The following TSNARE1 variants were observed in gnomAD, a reference collection of about 807,000 sequenced individuals.
TSNARE1 encodes t-SNARE domain containing 1.
A neutral mutation model predicts 62.0 loss-of-function variants in TSNARE1; 49 were observed. The ratio of observed to expected loss-of-function variants is 0.79; its 90% CI spans 0.63 to 1.00. The LOEUF is 1.00. Ranked by LOEUF, TSNARE1 falls within the 50% of genes least tolerant of loss-of-function variation. The pLI is 0.00. For missense variants in TSNARE1, 755 were observed against 700.1 expected, an observed-to-expected ratio of 1.08 and a Z score of -0.88; for synonymous variants, 328 against 294.4, an observed-to-expected ratio of 1.11 and a Z score of -1.17.
intron 6 of TSNARE1, among the ~76,000 whole-genome samples, chr8:142,322,580 C>CA (rs1408134908): frequency 6.6e-6 from 1 of 152,198 alleles, no homozygotes; most frequent in Non-Finnish European, 1.5e-5. Flanking sequence ...TCACAGGATA[C>CA]AAGGAAGTAC....
chr8:142,269,802 T>C (rs946869663), intron 12 of TSNARE1: 10 of 985,138 alleles, frequency 1.0e-5, no homozygotes, highest in South Asian at 4.7e-5. Context: ...TGCGCACCCA[T>C]AGAAGGGGTA....
chr8:142,326,920 C>G (rs9969452), intron 6 of TSNARE1, among the ~76,000 whole-genome samples: 32,721 of 152,126 alleles, frequency 0.22, 3,928 homozygotes, highest in East Asian at 0.31. Flanking sequence ...CCACAAGACC[C>G]CACTTCGCAC....
chr8:142,368,698 C>A (rs1410711332), intron 1 of TSNARE1, among the ~76,000 whole-genome samples: 1 of 152,188 alleles, frequency 6.6e-6, no homozygotes, highest in African/African-American at 2.4e-5. Flanking sequence ...AAGCCAGGAC[C>A]CCTGGGGTGC....
chr8:142,276,662 C>T, intron 11 of TSNARE1: 1 of 985,450 alleles, frequency 1.0e-6, no homozygotes, highest in Non-Finnish European at 1.2e-6. Context: ...AGCCCTGGAC[C>T]CCACCCTTGG....
chr8:142,403,053 C>T (rs1219713696), intron 1 of TSNARE1, 51 bp downstream of exon 1: 3 of 148,552 alleles, frequency 2.0e-5, no homozygotes, highest in East Asian at 1.9e-4. Context: ...TCGCCCTCGC[C>T]GCCCCACGCC....
At chr8:142,377,414 A>C (rs2131147156) in intron 1 of TSNARE1, among the ~76,000 whole-genome samples, 1 of 152,366 alleles carries the variant, frequency 6.6e-6, no homozygotes, top group East Asian at 1.9e-4. Flanking sequence ...GCAAAAGATA[A>C]AGTGACAACA....
chr8:142,270,212 C>T (rs1055529857), intron 12 of TSNARE1: 1 of 985,152 alleles, frequency 1.0e-6, no homozygotes, highest in African/African-American at 1.7e-5. Context: ...GATGTGGCAG[C>T]CCCGCCAAGG....
chr8:142,270,469 G>C (rs545390076), intron 12 of TSNARE1: 1 of 949,354 alleles, frequency 1.1e-6, no homozygotes, highest in Non-Finnish European at 1.2e-6. Context: ...ACAGTACCAA[G>C]TAATATATAG....
At chr8:142,224,012 C>T (rs1816662371) in intron 13 of TSNARE1, among the ~76,000 whole-genome samples, 1 of 152,244 alleles carries the variant, frequency 6.6e-6, no homozygotes, top group Non-Finnish European at 1.5e-5. Flanking sequence ...CCATTTCATC[C>T]TCTGAGAGCT....
intron 1 of TSNARE1, among the ~76,000 whole-genome samples, chr8:142,363,645 G>A (rs2096055660): frequency 1.3e-5 from 2 of 152,118 alleles, no homozygotes; most frequent in East Asian, 1.9e-4. Context: ...GGGCCAGACA[G>A]ACACCACGAA....
intron 10 of TSNARE1, among the ~76,000 whole-genome samples, chr8:142,299,729 CGCACACACGT>C (rs1478023077): frequency 6.6e-6 from 1 of 152,070 alleles, no homozygotes; most frequent in Middle Eastern, 3.2e-3. Flanking sequence ...CTCACATGCA[CGCACACACGT>C]GCACACACAC....
At chr8:142,373,361 G>C (rs1252574845) in intron 1 of TSNARE1, among the ~76,000 whole-genome samples, 1 of 152,136 alleles carries the variant, frequency 6.6e-6, no homozygotes, top group African/African-American at 2.4e-5. Context: ...GTCTCACCCT[G>C]ACTGGCGGCT....
chr8:142,331,934 C>A, intron 4 of TSNARE1, 103 bp from the exon 5 acceptor site: 1 of 1,182,864 alleles, frequency 8.5e-7, no homozygotes, highest in East Asian at 2.6e-5. Context: ...AGGGACCCGA[C>A]AGGCAGCAGA....
At chr8:142,297,644 C>G (rs1399868167) in intron 10 of TSNARE1, among the ~76,000 whole-genome samples, 4 of 152,224 alleles carry the variant, frequency 2.6e-5, no homozygotes, top group Non-Finnish European at 4.4e-5. Flanking sequence ...CGCCCACCCC[C>G]CGAGCCCTGC....
chr8:142,292,478 G>A (rs1823961691), intron 10 of TSNARE1, among the ~76,000 whole-genome samples: 1 of 152,192 alleles, frequency 6.6e-6, no homozygotes, highest in Non-Finnish European at 1.5e-5. Context: ...ATGGGCCTGT[G>A]GAGGTGGTGG....
chr8:142,259,049 C>T (rs140389836), intron 12 of TSNARE1, among the ~76,000 whole-genome samples: 6 of 152,336 alleles, frequency 3.9e-5, no homozygotes, highest in Non-Finnish European at 8.8e-5. Flanking sequence ...GCCACAGTCA[C>T]GCTGCAGCTG....
intron 2 of TSNARE1, among the ~76,000 whole-genome samples, chr8:142,349,411 A>C (rs1833802291): frequency 6.6e-6 from 1 of 152,242 alleles, no homozygotes; most frequent in South Asian, 2.1e-4. Context: ...ATTAGAAATG[A>C]ATATTTACCA....
chr8:142,367,177 C>T (rs1177012353), intron 1 of TSNARE1, among the ~76,000 whole-genome samples: 1 of 152,172 alleles, frequency 6.6e-6, no homozygotes, highest in Non-Finnish European at 1.5e-5. Context: ...ATCACAAAGA[C>T]GTCAGTTTTC....
chr8:142,363,599 G>A (rs1835318033), intron 1 of TSNARE1, among the ~76,000 whole-genome samples: 1 of 152,122 alleles, frequency 6.6e-6, no homozygotes, highest in African/African-American at 2.4e-5. Flanking sequence ...GCGTTCCCAG[G>A]GAATCCTGAG....
Sources: gnomAD v4.1 joint callset for allele counts (sites outside exome capture counted in the v4.1 genomes callset) on GRCh38, gnomAD v4.1.1 for gene constraint, MANE v1.5 for transcripts, NCBI Gene and HGNC (gene_info 2026-07-23, HGNC 2026-07-21) for gene names.